The following KCNQ3 variants were observed in gnomAD, a reference collection of about 807,000 sequenced individuals.
KCNQ3 encodes potassium voltage-gated channel subfamily KQT member 3.
KCNQ3 carries 30 observed loss-of-function variants against 92.5 expected under a neutral mutation model. That is an observed-to-expected ratio of 0.32 (90% CI 0.24 to 0.44). KCNQ3 has a LOEUF of 0.44. Ranked by LOEUF, KCNQ3 falls within the 20% of genes least tolerant of loss-of-function variation. KCNQ3 has a pLI of 1.00. For synonymous variants in KCNQ3, 450 were observed against 468.8 expected, an observed-to-expected ratio of 0.96 and a Z score of 0.52; for missense variants, 913 against 1,140.3, an observed-to-expected ratio of 0.80 and a Z score of 2.87.
chr8:132,388,152 G>A (rs745832763), intron 1 of KCNQ3, among the ~76,000 whole-genome samples: 2 of 152,160 alleles, frequency 1.3e-5, no homozygotes, highest in East Asian at 3.8e-4. Context: ...AATGTGATAT[G>A]ACTTTTTTTT....
intron 1 of KCNQ3, among the ~76,000 whole-genome samples, chr8:132,423,998 T>C (rs1821041724): frequency 6.6e-6 from 1 of 152,194 alleles, no homozygotes; most frequent in South Asian, 2.1e-4. Context: ...CAGGACTATC[T>C]TAAATGTTTC....
intron 9 of KCNQ3, among the ~76,000 whole-genome samples, chr8:132,161,711 G>T (rs1044189691): frequency 5.9e-5 from 9 of 152,076 alleles, no homozygotes; most frequent in Non-Finnish European, 1.0e-4. Flanking sequence ...ACACCAGGTG[G>T]CTGTCGGCCT....
At chr8:132,164,343 T>G (rs1278095242) in intron 8 of KCNQ3, among the ~76,000 whole-genome samples, 1 of 119,648 alleles carries the variant, frequency 8.4e-6, no homozygotes, top group Non-Finnish European at 1.8e-5. Flanking sequence ...GTAGTCTCGT[T>G]TTTTTTTTTT....
chr8:132,407,589 T>C (rs1294818879), intron 1 of KCNQ3, among the ~76,000 whole-genome samples: 3 of 152,142 alleles, frequency 2.0e-5, no homozygotes, highest in African/African-American at 4.8e-5. Context: ...CTGACCGTCT[T>C]TGGTGCTGTT....
chr8:132,354,376 C>T (rs1257105995), intron 1 of KCNQ3, among the ~76,000 whole-genome samples: 4 of 152,224 alleles, frequency 2.6e-5, no homozygotes, highest in African/African-American at 9.6e-5. Context: ...ACAATACATC[C>T]ATAGGCCAGT....
At chr8:132,432,404 T>C (rs1476382216) in intron 1 of KCNQ3, among the ~76,000 whole-genome samples, 2 of 150,918 alleles carry the variant, frequency 1.3e-5, no homozygotes, top group African/African-American at 2.4e-5. Flanking sequence ...TGTCAAAATA[T>C]TGGACAATGT....
intron 1 of KCNQ3, among the ~76,000 whole-genome samples, chr8:132,292,686 T>C (rs945029843): frequency 6.6e-6 from 1 of 152,142 alleles, no homozygotes; most frequent in Non-Finnish European, 1.5e-5. Context: ...GGTGTTATGA[T>C]ATATAATTGG....
chr8:132,318,230 G>A (rs746256446), intron 1 of KCNQ3, among the ~76,000 whole-genome samples: 2 of 152,222 alleles, frequency 1.3e-5, no homozygotes, highest in Non-Finnish European at 2.9e-5. Context: ...TAATTGGATT[G>A]AAGTGGAAAA....
chr8:132,359,212 A>G (rs16904674), intron 1 of KCNQ3, among the ~76,000 whole-genome samples: 11,085 of 152,260 alleles, frequency 0.073, 456 homozygotes, highest in South Asian at 0.16. Flanking sequence ...CCTGCCATTT[A>G]AAAAACAGGA....
At chr8:132,393,471 G>T (rs2673592) in intron 1 of KCNQ3, among the ~76,000 whole-genome samples, 1 of 152,002 alleles carries the variant, frequency 6.6e-6, no homozygotes, top group African/African-American at 2.4e-5. Flanking sequence ...GAGTATGGCT[G>T]GGTTCCAAAA....
chr8:132,240,923 C>T (rs1814974221), intron 1 of KCNQ3, among the ~76,000 whole-genome samples: 1 of 150,304 alleles, frequency 6.7e-6, no homozygotes, highest in South Asian at 2.1e-4. Flanking sequence ...GAGTCTTGTT[C>T]TCTCACCCAG....
chr8:132,190,568 AGAGTGGGACCTGTTCTGGAACTGCAAGGG>A (rs1827126627), intron 1 of KCNQ3, among the ~76,000 whole-genome samples: 1 of 152,202 alleles, frequency 6.6e-6, no homozygotes, highest in African/African-American at 2.4e-5. Context: ...TACCAGCATG[AGAGTGGGACCTGTTCTGGAACTGCAAGGG>A]TCAACAATCA....
Position 132,163,958 on chromosome 8 carries a change from C to T in KCNQ3, c.1236-464G>A, listed in dbSNP as rs141277996. Among the ~76,000 whole-genome samples, 927 of 152,284 alleles carry T rather than the reference C, an allele frequency of 6.1e-3. 8 individuals carry two copies. Among genetic ancestry groups the T allele is most frequent in the African/African-American group, 0.021 (860 of 41,548 alleles). ...ACCCTATGAAGTACTATTATCATCCCATTTCCCTGAGGAGAAAATTGAGGC... is the reference window on the plus strand; with the variant it reads ...ACCCTATGAAGTACTATTATCATCCTATTTCCCTGAGGAGAAAATTGAGGC... On this transcript the variant is annotated intron_variant, in intron 8 of 14. Transcript: ENST00000388996.
chr8:132,469,147 G>A (rs1822245072), intron 1 of KCNQ3, among the ~76,000 whole-genome samples: 1 of 152,182 alleles, frequency 6.6e-6, no homozygotes, highest in South Asian at 2.1e-4. Flanking sequence ...TCACCTTGGG[G>A]AAGCTAACAT....
chr8:132,151,430 A>C (rs1164452947), intron 9 of KCNQ3, among the ~76,000 whole-genome samples: 2 of 152,228 alleles, frequency 1.3e-5, no homozygotes, highest in African/African-American at 4.8e-5. Context: ...TAAAGCTAAA[A>C]GTTTAAACAA....
intron 1 of KCNQ3, among the ~76,000 whole-genome samples, chr8:132,224,682 C>T (rs887534554): frequency 6.6e-6 from 1 of 152,204 alleles, no homozygotes; most frequent in Non-Finnish European, 1.5e-5. Context: ...CAGGACAATT[C>T]TCTTTCTAAG....
At chr8:132,405,384 C>T (rs943262113) in intron 1 of KCNQ3, among the ~76,000 whole-genome samples, 2 of 152,228 alleles carry the variant, frequency 1.3e-5, no homozygotes, top group Admixed American at 6.5e-5. Context: ...ACCTTTCCTC[C>T]AGCACCCAGC....
chr8:132,240,634 G>A (rs1177756801), intron 1 of KCNQ3, among the ~76,000 whole-genome samples: 1 of 152,200 alleles, frequency 6.6e-6, no homozygotes, highest in Admixed American at 6.5e-5. Context: ...AGCCAACGGG[G>A]CTTTGATAAG....
At chr8:132,205,030 G>A (rs1165348876) in intron 1 of KCNQ3, among the ~76,000 whole-genome samples, 2 of 152,120 alleles carry the variant, frequency 1.3e-5, no homozygotes, top group Admixed American at 6.6e-5. Flanking sequence ...CTGGAAGCTT[G>A]GACAATATAC....
Sources: allele counts gnomAD v4.1 joint callset (sites outside exome capture counted in the v4.1 genomes callset), GRCh38; gene constraint gnomAD v4.1.1; transcripts MANE v1.5; gene names NCBI Gene and HGNC (gene_info 2026-07-23, HGNC 2026-07-21).